Variants in MARCHF11 observed in about 807,000 individuals in gnomAD.
MARCHF11 encodes E3 ubiquitin-protein ligase MARCHF11.
Under a neutral mutation model 37.3 loss-of-function variants are expected in MARCHF11, and 29 were observed. The ratio of observed to expected loss-of-function variants is 0.78; its 90% CI spans 0.58 to 1.06. The LOEUF (loss-of-function observed/expected upper bound fraction) is 1.06, where lower values mean the gene tolerates loss of function less well. Ranked by LOEUF, MARCHF11 falls within the 50% of genes least tolerant of loss-of-function variation. The pLI is 0.00. For synonymous variants in MARCHF11, 233 were observed against 228.0 expected (o/e 1.02, Z -0.20); for missense variants, 482 against 533.4 (o/e 0.90, Z 0.95).
chr5:16,119,178 C>G (rs1383985796), intron 2 of MARCHF11, among the ~76,000 whole-genome samples: 1 of 151,934 alleles, frequency 6.6e-6, no homozygotes, highest in Non-Finnish European at 1.5e-5. Context: ...GCCTGGCCAA[C>G]ATGGTGAAAA....
At chr5:16,113,740 A>G (rs138927456) in intron 2 of MARCHF11, among the ~76,000 whole-genome samples, 84 of 152,330 alleles carry the variant, frequency 5.5e-4, no homozygotes, top group Non-Finnish European at 4.4e-5. Context: ...AAATCATGAT[A>G]TTTAGGATAT....
At chr5:16,133,426 G>A (rs1737552616) in intron 2 of MARCHF11, among the ~76,000 whole-genome samples, 1 of 152,120 alleles carries the variant, frequency 6.6e-6, no homozygotes, top group Non-Finnish European at 1.5e-5. Flanking sequence ...AAGATCAGCA[G>A]AAGTATCTCT....
At chr5:16,094,828 A>C (rs1427378970) in intron 2 of MARCHF11, among the ~76,000 whole-genome samples, 1 of 152,152 alleles carries the variant, frequency 6.6e-6, no homozygotes, top group Non-Finnish European at 1.5e-5. Flanking sequence ...TTTAATAATT[A>C]TAGCTTCTAT....
At chr5:16,118,481 A>C (rs1018538756) in intron 2 of MARCHF11, among the ~76,000 whole-genome samples, 1 of 152,236 alleles carries the variant, frequency 6.6e-6, no homozygotes, top group African/African-American at 2.4e-5. Flanking sequence ...CACTGAGACG[A>C]GGAGATCGGA....
intron 2 of MARCHF11, among the ~76,000 whole-genome samples, chr5:16,095,991 T>C (rs1044528228): frequency 1.3e-5 from 2 of 152,240 alleles, no homozygotes; most frequent in Non-Finnish European, 2.9e-5. Flanking sequence ...TCAGTGCCTA[T>C]GGGATAAAGA....
chr5:16,134,998 T>A (rs62350171), intron 2 of MARCHF11, among the ~76,000 whole-genome samples: 86 of 143,802 alleles, frequency 6.0e-4, no homozygotes, highest in Non-Finnish European at 8.2e-4. Flanking sequence ...TCTCTCTCTC[T>A]CACACACACA....
chr5:16,160,020 T>G (rs1168341734), intron 2 of MARCHF11, among the ~76,000 whole-genome samples: 1 of 151,866 alleles, frequency 6.6e-6, no homozygotes, highest in East Asian at 1.9e-4. Flanking sequence ...TTCGAAAATC[T>G]GAAGCCAAAC....
intron 3 of MARCHF11, among the ~76,000 whole-genome samples, chr5:16,073,994 T>A (rs1463814618): frequency 6.6e-6 from 1 of 152,132 alleles, no homozygotes; most frequent in Non-Finnish European, 1.5e-5. Context: ...GACCATATGA[T>A]AGGCCACAGA....
At chr5:16,098,683 G>A (rs569293841) in intron 2 of MARCHF11, among the ~76,000 whole-genome samples, 15 of 151,780 alleles carry the variant, frequency 9.9e-5, no homozygotes, top group African/African-American at 2.7e-4. Context: ...CAGGAGAATC[G>A]CTTGAACCCA....
intron 2 of MARCHF11, among the ~76,000 whole-genome samples, chr5:16,148,392 C>A (rs749630297): frequency 2.8e-4 from 42 of 152,116 alleles, no homozygotes; most frequent in Non-Finnish European, 5.7e-4. Context: ...CTCTTTCCTT[C>A]TTTCCTCACT....
intron 2 of MARCHF11, among the ~76,000 whole-genome samples, chr5:16,132,151 G>C (rs1225123574): frequency 6.6e-6 from 1 of 152,192 alleles, no homozygotes; most frequent in Non-Finnish European, 1.5e-5. Flanking sequence ...ACTATAAACA[G>C]GTTTACTGCC....
At chr5:16,135,354 A>G (rs537315118) in intron 2 of MARCHF11, among the ~76,000 whole-genome samples, 3 of 152,298 alleles carry the variant, frequency 2.0e-5, no homozygotes, top group Admixed American at 1.3e-4. Context: ...CTGGACATGA[A>G]TTGGAAAGCT....
At chr5:16,108,465 G>A (rs1737082340) in intron 2 of MARCHF11, among the ~76,000 whole-genome samples, 1 of 152,190 alleles carries the variant, frequency 6.6e-6, no homozygotes, top group Non-Finnish European at 1.5e-5. Context: ...AAATAGGAAA[G>A]CGAGGGCAGG....
At chr5:16,077,744 T>C (rs895475972) in intron 3 of MARCHF11, among the ~76,000 whole-genome samples, 8 of 152,210 alleles carry the variant, frequency 5.3e-5, no homozygotes, top group Non-Finnish European at 1.0e-4. Flanking sequence ...AAATTCAAGA[T>C]TGGGATGTGA....
At chr5:16,068,692 C>A (rs137938751) in intron 3 of MARCHF11, among the ~76,000 whole-genome samples, 1 of 152,354 alleles carries the variant, frequency 6.6e-6, no homozygotes, top group East Asian at 1.9e-4. Context: ...CTGTCACACA[C>A]CCTGCATTTC....
At position 16,071,952 on chromosome 5, in the gene MARCHF11, T is replaced by C. The variant is rs141930757; in HGVS notation, c.887-4159A>G. ...AAACAGGTACTAGTTTTTGTGTGTT[T>C]TTTTGTTTTTTTTGTTTGTTTTTTT... On this transcript the variant is annotated intron_variant, in intron 3 of 3. Transcript: ENST00000332432. Among the ~76,000 whole-genome samples, 292 of 151,782 alleles carry C rather than the reference T, an allele frequency of 1.9e-3. 6 individuals are homozygous for C. The East Asian group carries it at 0.049, about 26-fold the overall frequency.
intron 2 of MARCHF11, among the ~76,000 whole-genome samples, chr5:16,169,410 A>C (rs1738221833): frequency 6.6e-6 from 1 of 152,156 alleles, no homozygotes. Flanking sequence ...TCCATTGTAC[A>C]GGTGTCATCA....
intron 2 of MARCHF11, among the ~76,000 whole-genome samples, chr5:16,094,518 CGT>C (rs946472246): frequency 8.0e-5 from 12 of 150,886 alleles, no homozygotes; most frequent in South Asian, 6.3e-4. Context: ...TCTGTGTGTA[CGT>C]GTGTGTGTGT....
chr5:16,112,503 T>C (rs1263414248), intron 2 of MARCHF11, among the ~76,000 whole-genome samples: 1 of 152,248 alleles, frequency 6.6e-6, no homozygotes, highest in South Asian at 2.1e-4. Flanking sequence ...TTGGAACGGC[T>C]GTATTTACCC....
Sources: gnomAD v4.1 joint callset for allele counts (sites outside exome capture counted in the v4.1 genomes callset) on GRCh38, gnomAD v4.1.1 for gene constraint, MANE v1.5 for transcripts, NCBI Gene and HGNC (gene_info 2026-07-23, HGNC 2026-07-21) for gene names.